Variants in ATP8A1 observed in about 807,000 individuals in gnomAD.
ATP8A1 encodes ATPase phospholipid transporting 8A1.
ATP8A1 carries 90 observed loss-of-function variants against 177.7 expected under a neutral mutation model. The ratio of observed to expected loss-of-function variants is 0.51; its 90% CI spans 0.43 to 0.60. ATP8A1 has a LOEUF of 0.60. Ranked by LOEUF, ATP8A1 falls within the 20% of genes least tolerant of loss-of-function variation. The pLI is 0.00. For missense variants in ATP8A1, 1,072 were observed against 1,392.8 expected (o/e 0.77, Z 3.67); for synonymous variants, 493 against 485.9 (o/e 1.01, Z -0.19).
intron 25 of ATP8A1, among the ~76,000 whole-genome samples, chr4:42,467,780 A>G (rs28560101): frequency 0.056 from 8,584 of 152,156 alleles, 296 homozygotes; most frequent in African/African-American, 0.088. Flanking sequence ...GCATTTTTTC[A>G]TATGTTTGTT....
intron 18 of ATP8A1, among the ~76,000 whole-genome samples, chr4:42,550,696 C>G (rs1729414985): frequency 6.6e-6 from 1 of 152,148 alleles, no homozygotes; most frequent in Non-Finnish European, 1.5e-5. Flanking sequence ...CTTTGGGAGG[C>G]TGAGGTGGGA....
chr4:42,590,555 C>G (rs1278737620), intron 7 of ATP8A1, among the ~76,000 whole-genome samples: 1 of 152,104 alleles, frequency 6.6e-6, no homozygotes, highest in Non-Finnish European at 1.5e-5. Context: ...TTAAAATCTA[C>G]CTTTACTGTC....
At chr4:42,652,434 C>A (rs1452774869) in intron 1 of ATP8A1, among the ~76,000 whole-genome samples, 2 of 152,142 alleles carry the variant, frequency 1.3e-5, no homozygotes, top group Admixed American at 6.5e-5. Flanking sequence ...TATGCTATTA[C>A]CAATAAGATC....
chr4:42,605,194 T>C (rs1390575739), intron 5 of ATP8A1, among the ~76,000 whole-genome samples: 1 of 152,170 alleles, frequency 6.6e-6, no homozygotes, highest in East Asian at 1.9e-4. Flanking sequence ...AATTAAAAAA[T>C]AGCTACAGAA....
rs559799877 is a variant in ATP8A1 at position 42,424,921 on chromosome 4, T to C, written c.3124-1216A>G. On this transcript the variant is annotated intron_variant, in intron 33 of 36. Transcript: ENST00000381668. The stretch of plus-strand genomic sequence containing the variant: ...CATGGGTTCAATGAAATAGCACCAA[T>C]ATTCGAGACACCAACAAGATGAAAA... Among the ~76,000 whole-genome samples, 33 of 152,248 alleles carry C rather than the reference T, an allele frequency of 2.2e-4. No individual in the cohort carries two copies. The South Asian group carries it at 2.7e-3, about 12-fold the overall frequency.
intron 23 of ATP8A1, 32 bp downstream of exon 23, chr4:42,506,984 C>A (rs749083314): frequency 6.2e-7 from 1 of 1,606,638 alleles, no homozygotes; most frequent in Non-Finnish European, 8.5e-7. Context: ...TTAAAAAGCA[C>A]CAACATGTAA....
At chr4:42,520,731 T>C (rs1726032456) in intron 22 of ATP8A1, among the ~76,000 whole-genome samples, 1 of 152,106 alleles carries the variant, frequency 6.6e-6, no homozygotes, top group African/African-American at 2.4e-5. Context: ...GAATAAAAAG[T>C]TCAAATATAA....
At chr4:42,506,386 C>A (rs1560400607) in intron 23 of ATP8A1, among the ~76,000 whole-genome samples, 1 of 152,208 alleles carries the variant, frequency 6.6e-6, no homozygotes, top group Non-Finnish European at 1.5e-5. Context: ...GACACCAAAT[C>A]TGCTGGTGCC....
At chr4:42,490,336 C>T (rs1021668117) in intron 24 of ATP8A1, among the ~76,000 whole-genome samples, 1 of 152,168 alleles carries the variant, frequency 6.6e-6, no homozygotes, top group Non-Finnish European at 1.5e-5. Flanking sequence ...AAAAAGCCAC[C>T]TCACTGCGAG....
At chr4:42,473,996 T>C (rs1720777045) in intron 25 of ATP8A1, among the ~76,000 whole-genome samples, 1 of 152,162 alleles carries the variant, frequency 6.6e-6, no homozygotes, top group Admixed American at 6.5e-5. Flanking sequence ...TGCTCTTCTC[T>C]GCCTCATGAC....
rs74412432 is a variant in ATP8A1 at position 42,520,419 on chromosome 4, C to T, written c.1947+1741G>A. ...AGATTAAAAATCAATAGCACTAATG[C>T]TTTAAGATATGTGACTTTAGTTGGG... On this transcript the variant is annotated intron_variant, in intron 22 of 36. Transcript: ENST00000381668. Among the ~76,000 whole-genome samples the T allele has an allele frequency of 9.6e-4, 145 of 151,804 alleles. 1 individual carries two copies. Among genetic ancestry groups the T allele is most frequent in the African/African-American group, 3.3e-3 (135 of 41,396 alleles).
At chr4:42,515,908 T>C (rs1290118738) in intron 22 of ATP8A1, among the ~76,000 whole-genome samples, 1 of 152,248 alleles carries the variant, frequency 6.6e-6, no homozygotes, top group African/African-American at 2.4e-5. Flanking sequence ...TTCTAAAGAA[T>C]GCCTTCTGTA....
intron 20 of ATP8A1, among the ~76,000 whole-genome samples, chr4:42,540,175 T>C (rs1200985369): frequency 2.0e-5 from 3 of 151,942 alleles, no homozygotes; most frequent in Non-Finnish European, 4.4e-5. Context: ...AACAAGTATA[T>C]GAAAAAAATG....
At chr4:42,486,423 T>C (rs754880699) in intron 24 of ATP8A1, among the ~76,000 whole-genome samples, 1 of 152,212 alleles carries the variant, frequency 6.6e-6, no homozygotes, top group Non-Finnish European at 1.5e-5. Flanking sequence ...CATTGATTTC[T>C]TTATTATGGC....
intron 21 of ATP8A1, 36 bp downstream of exon 21, chr4:42,524,727 T>C (rs771102646): frequency 1.5e-6 from 2 of 1,352,492 alleles, no homozygotes; most frequent in Non-Finnish European, 2.1e-6. Context: ...GATTTCTTTG[T>C]ATTTTAATCA....
intron 33 of ATP8A1, among the ~76,000 whole-genome samples, chr4:42,437,383 T>C (rs1216706992): frequency 2.6e-5 from 4 of 152,160 alleles, no homozygotes; most frequent in Non-Finnish European, 5.9e-5. Context: ...CCCCAGGGCC[T>C]ACCTTGCCCC....
rs191784129 is a variant in ATP8A1, at chr4:42,624,229, G to A, written c.363+307C>T. Reference sequence around the variant, plus strand: ...CAAAAAATATCACTTAGATAATTTGGAGGGTTTTTCATTTAATTGAAAATA... The same window carrying A: ...CAAAAAATATCACTTAGATAATTTGAAGGGTTTTTCATTTAATTGAAAATA... On this transcript the variant is annotated intron_variant, in intron 4 of 36. Transcript: ENST00000381668. Among the ~76,000 whole-genome samples the A allele has an allele frequency of 7.9e-5, 12 of 152,042 alleles. 1 individual carries two copies. The highest frequency in any genetic ancestry group is 2.9e-5 in the Non-Finnish European group (2 of 67,940).
chr4:42,599,322 T>A (rs989848100), intron 6 of ATP8A1, among the ~76,000 whole-genome samples: 2 of 152,196 alleles, frequency 1.3e-5, no homozygotes, highest in African/African-American at 4.8e-5. Flanking sequence ...CTAAAATGTT[T>A]AATTCCATAG....
intron 14 of ATP8A1, among the ~76,000 whole-genome samples, chr4:42,574,139 A>G (rs1177509459): frequency 3.3e-5 from 5 of 152,282 alleles, no homozygotes; most frequent in Admixed American, 2.6e-4. Flanking sequence ...CAGATTCAAG[A>G]GTTTCATGTC....
Sources: gnomAD v4.1 joint callset for allele counts (sites outside exome capture counted in the v4.1 genomes callset) on GRCh38, gnomAD v4.1.1 for gene constraint, MANE v1.5 for transcripts, NCBI Gene and HGNC (gene_info 2026-07-23, HGNC 2026-07-21) for gene names.